The following MDN1 variants were observed in gnomAD, a reference collection of about 807,000 sequenced individuals.
MDN1 encodes the protein midasin AAA ATPase 1, also known as midasin.
Under a neutral mutation model 669.2 loss-of-function variants are expected in MDN1, and 266 were observed. The ratio of observed to expected loss-of-function variants is 0.40; its 90% CI spans 0.36 to 0.44. The LOEUF (loss-of-function observed/expected upper bound fraction) is 0.44. Among genes scored for constraint, MDN1 ranks in the 20% least tolerant of loss-of-function variants. The probability of loss-of-function intolerance (pLI) is 1.00; values close to 1 mark genes in which losing one functional copy is unlikely to be tolerated. For synonymous variants in MDN1, 2,385 were observed against 2,457.1 expected (o/e 0.97, Z 0.87); for missense variants, 5,940 against 6,754.0 (o/e 0.88, Z 4.22).
chr6:89,819,147 A>G lies in MDN1; in HGVS notation c.102+359T>C, dbSNP rs995055316. Among the ~76,000 whole-genome samples the G allele has an allele frequency of 2.0e-5, 3 of 152,214 alleles. 1 individual carries two copies. The highest frequency in any genetic ancestry group is 4.4e-5 in the Non-Finnish European group (3 of 68,046). ...AGGAGTGGCTGCACTACGCACACTTAGGTGATACGTACACTTGTCAAAACG... is the reference window on the plus strand; with the variant it reads ...AGGAGTGGCTGCACTACGCACACTTGGGTGATACGTACACTTGTCAAAACG... On this transcript the variant is annotated intron_variant, in intron 1 of 101. Transcript: ENST00000369393.
At chr6:89,723,414 G>A in intron 39 of MDN1, 98 bp downstream of exon 39, 2 of 800,304 alleles carry the variant, frequency 2.5e-6, no homozygotes, top group Non-Finnish European at 3.8e-6. Flanking sequence ...ATTTTTTTTA[G>A]TTAGAGATCC....
chr6:89,817,935 T>C (rs983086950), intron 1 of MDN1, among the ~76,000 whole-genome samples: 2 of 152,128 alleles, frequency 1.3e-5, no homozygotes, highest in African/African-American at 4.8e-5. Flanking sequence ...TAATGAATAG[T>C]TGTGATAACC....
At chr6:89,768,034 T>C (rs561363873) in intron 15 of MDN1, among the ~76,000 whole-genome samples, 1 of 151,180 alleles carries the variant, frequency 6.6e-6, no homozygotes, top group South Asian at 2.1e-4. Context: ...AGAGACCCTG[T>C]CTCAAAAAAA....
rs1259367421 is a variant in MDN1, at chr6:89,748,685, G to C, written c.3762+538C>G. Among the ~76,000 whole-genome samples, 4 of 150,602 alleles carry C rather than the reference G, an allele frequency of 2.7e-5. No individual in the cohort carries two copies. The East Asian group carries it at 7.8e-4, about 29-fold the overall frequency. ...ACAAAATCCTCATATGTAAATATCA[G>C]AAAAATTTTAATGATGTAAAATTGT... On this transcript the variant is annotated intron_variant, in intron 26 of 101. Coordinates refer to ENST00000369393, the MANE Select transcript of MDN1 (RefSeq NM_014611.3).
At position 89,683,854 on chromosome 6, in the gene MDN1, C is replaced by G. The variant is rs1450062459; in HGVS notation, c.11880G>C (p.Lys3960Asn). The G allele has an allele frequency of 2.5e-6, 4 of 1,613,492 alleles. No homozygotes were observed. In the South Asian group the frequency reaches 3.3e-5, roughly 13 times the overall value. ...ACCTGTGTGTCTTTTCTACAGATTG[C>G]TTAATGGACCAGAAGCTGACATCAT... Reference protein sequence around the residue: ...KWNDVSFWSIKQSVEKTHRTL... With the variant: ...KWNDVSFWSINQSVEKTHRTL... The change falls in exon 72 of 102, where the codon AAG becomes AAC. Residue 3960 changes from lysine (K) to asparagine (N), a missense_variant. Lys to Asn is a moderately conservative substitution (Grantham distance 94). Around this residue, in one of 5 missense-constraint regions of MDN1, gnomAD observed 2,280 missense variants for 2,576.3 expected, o/e 0.88. Coordinates refer to ENST00000369393, the MANE Select transcript of MDN1 (RefSeq NM_014611.3).
intron 70 of MDN1, 36 bp downstream of exon 70, chr6:89,685,791 G>A (rs1003818679): frequency 7.5e-6 from 12 of 1,603,424 alleles, no homozygotes; most frequent in South Asian, 3.4e-5. Flanking sequence ...CATTTTAGTC[G>A]TGCAATGTCA....
At chr6:89,738,488 T>C (rs775284257) in intron 32 of MDN1, 33 bp from the exon 33 acceptor site, 11 of 1,611,258 alleles carry the variant, frequency 6.8e-6, no homozygotes, top group Non-Finnish European at 9.3e-6. Context: ...ATGTGAATTT[T>C]TAAAACTGTA....
At chr6:89,814,531 T>A (rs181249555) in intron 1 of MDN1, among the ~76,000 whole-genome samples, 1 of 152,108 alleles carries the variant, frequency 6.6e-6, no homozygotes, top group African/African-American at 2.4e-5. Flanking sequence ...GCCCAAAATA[T>A]ATAGCTTTGA....
chr6:89,765,066 C>T (rs1817743867), intron 15 of MDN1, among the ~76,000 whole-genome samples: 1 of 152,088 alleles, frequency 6.6e-6, no homozygotes, highest in Non-Finnish European at 1.5e-5. Flanking sequence ...ATGATCCTGG[C>T]TAACATGGTG....
chr6:89,724,582 C>A (rs1815082074), intron 38 of MDN1, among the ~76,000 whole-genome samples: 1 of 152,164 alleles, frequency 6.6e-6, no homozygotes, highest in Non-Finnish European at 1.5e-5. Flanking sequence ...CATGCCCAGC[C>A]AATAAAACAT....
rs1816103456 is a variant in MDN1 at position 89,738,286 on chromosome 6, C to T, written c.4723+40G>A. The T allele has an allele frequency of 1.9e-6, 3 of 1,607,570 alleles. No individual in the cohort carries two copies. In the East Asian group the frequency reaches 6.7e-5, roughly 36 times the overall value. Reference sequence around the variant, plus strand: ...CCCTCAACTCCCAACACAAACCCTTCTATGACCCAATACTACCATCACCAC... The same window carrying T: ...CCCTCAACTCCCAACACAAACCCTTTTATGACCCAATACTACCATCACCAC... On this transcript the variant is annotated intron_variant, in intron 33 of 101. Transcript: ENST00000369393.
intron 26 of MDN1, among the ~76,000 whole-genome samples, chr6:89,747,820 G>C (rs768338965): frequency 6.7e-6 from 1 of 148,664 alleles, no homozygotes; most frequent in Non-Finnish European, 1.5e-5. Context: ...GAACCCGGGA[G>C]GGGGAGCTTG....
intron 73 of MDN1, among the ~76,000 whole-genome samples, chr6:89,681,753 T>TGAGCCC (rs1811627277): frequency 6.6e-6 from 1 of 152,200 alleles, no homozygotes; most frequent in Non-Finnish European, 1.5e-5. Context: ...TTAAGGACTT[T>TGAGCCC]CATTACTAAC....
At chr6:89,658,176 G>A (rs1163593352) in intron 90 of MDN1, 33 bp downstream of exon 90, 21 of 1,612,050 alleles carry the variant, frequency 1.3e-5, no homozygotes, top group Non-Finnish European at 1.7e-5. Context: ...CTACTAAGAG[G>A]CAGCTGGCGG....
intron 60 of MDN1, 110 bp from the exon 61 acceptor site, chr6:89,696,102 T>C: frequency 1.1e-5 from 15 of 1,392,118 alleles, no homozygotes; most frequent in Non-Finnish European, 1.5e-5. Flanking sequence ...GCAGCATCAA[T>C]ATGTAGAGGT....
chr6:89,670,414 G>A (rs1235484573), intron 83 of MDN1, among the ~76,000 whole-genome samples: 1 of 151,538 alleles, frequency 6.6e-6, no homozygotes, highest in African/African-American at 2.4e-5. Flanking sequence ...CTGACCTCAG[G>A]TGATCCACCC....
In MDN1 at chr6:89,643,766, G is replaced by T; in HGVS notation, c.*239C>A. On this transcript the variant is annotated 3_prime_UTR_variant, in exon 102 of 102. Coordinates refer to ENST00000369393, the MANE Select transcript of MDN1 (RefSeq NM_014611.3). The stretch of plus-strand genomic sequence containing the variant: ...AGGCCAGGGCTTCCAAGGCAGGGAA[G>T]AAGGATAACTCTTCTCTAGTTACGA... 2.6e-6 allele frequency: 1 copy of T among 384,192 alleles called. No homozygotes were observed. Among genetic ancestry groups the T allele is most frequent in the South Asian group, 6.3e-5 (1 of 15,774 alleles). The allele number at this position is 384,192 out of a possible 1,614,324, so 23.8% of individuals were successfully genotyped here. A position where few individuals can be genotyped will look rare whatever the true frequency, so the allele number is the denominator to read the frequency against.
Position 89,672,257 on chromosome 6 carries a change from G to T in MDN1, c.13737C>A (p.Ser4579=). ...LHVQKIISAI[S]ELLERLKSYG... ...ACGATTTCAGCCTCTCCAACAGCTC[G>T]GAGATGGCAGAAATTATTTTCTGCA... Residue 4579 remains serine, a synonymous_variant, in exon 82 of 102, where the codon TCC becomes TCA. Coordinates refer to ENST00000369393, the MANE Select transcript of MDN1 (RefSeq NM_014611.3). 6.2e-7 allele frequency: 1 copy of T among 1,611,886 alleles called. No homozygotes were observed. The highest frequency in any genetic ancestry group is 1.7e-5 in the Admixed American group (1 of 59,326).
intron 8 of MDN1, among the ~76,000 whole-genome samples, chr6:89,787,618 A>G (rs1023723691): frequency 6.6e-6 from 1 of 151,508 alleles, no homozygotes; most frequent in Admixed American, 6.6e-5. Flanking sequence ...AAAACATGAA[A>G]TAAGGTGAAG....
Sources: gnomAD v4.1 joint callset for allele counts (sites outside exome capture counted in the v4.1 genomes callset) on GRCh38, gnomAD v4.1.1 for gene constraint, gnomAD v4.1.1 regional missense constraint, MANE v1.5 for transcripts, NCBI Gene and HGNC (gene_info 2026-07-23, HGNC 2026-07-21) for gene names.